Variants in AGBL1 observed in about 807,000 individuals in gnomAD.
The protein encoded by AGBL1 is AGBL carboxypeptidase 1, also known as cytosolic carboxypeptidase 4.
A neutral mutation model predicts 118.9 loss-of-function variants in AGBL1; 130 were observed. The ratio of observed to expected loss-of-function variants is 1.09; its 90% CI spans 0.95 to 1.26. The LOEUF (loss-of-function observed/expected upper bound fraction) is 1.26, where lower values mean the gene tolerates loss of function less well. AGBL1 is among the 50% of genes most tolerant of loss of function. The probability of loss-of-function intolerance (pLI) is 0.00; values close to 1 mark genes in which losing one functional copy is unlikely to be tolerated. For synonymous variants in AGBL1, 555 were observed against 478.9 expected (o/e 1.16, Z -2.08); for missense variants, 1,584 against 1,298.1 (o/e 1.22, Z -3.38).
intron 24 of AGBL1, chr15:87,028,811 T>C (rs1464468896): frequency 1.2e-6 from 2 of 1,603,970 alleles, no homozygotes; most frequent in African/African-American, 2.7e-5. Flanking sequence ...AATATATTTC[T>C]TATTCCTTCT....
chr15:86,706,876 A>T (rs2086458384), intron 22 of AGBL1, among the ~76,000 whole-genome samples: 2 of 152,120 alleles, frequency 1.3e-5, no homozygotes, highest in Non-Finnish European at 2.9e-5. Context: ...AGCTTACTTC[A>T]GTTTTCTCTA....
At chr15:86,685,052 G>C (rs1467479983) in intron 22 of AGBL1, among the ~76,000 whole-genome samples, 1 of 152,156 alleles carries the variant, frequency 6.6e-6, no homozygotes, top group South Asian at 2.1e-4. Context: ...GAACAAAGAG[G>C]TATGTTTAGA....
intron 6 of AGBL1, among the ~76,000 whole-genome samples, chr15:86,234,082 A>G (rs2078499225): frequency 1.3e-5 from 2 of 152,098 alleles, no homozygotes; most frequent in African/African-American, 4.8e-5. Flanking sequence ...TTTTATCAGG[A>G]GATCCTGTCA....
intron 22 of AGBL1, among the ~76,000 whole-genome samples, chr15:86,685,000 G>A (rs1459866494): frequency 6.6e-6 from 1 of 152,180 alleles, no homozygotes; most frequent in Admixed American, 6.6e-5. Flanking sequence ...TAGTGCATGG[G>A]TAACAGAAAG....
chr15:86,936,286 G>T (rs553935665), intron 23 of AGBL1, among the ~76,000 whole-genome samples: 1 of 152,266 alleles, frequency 6.6e-6, no homozygotes, highest in East Asian at 1.9e-4. Flanking sequence ...GAGAAAGAGA[G>T]AGAGAACAAC....
intron 17 of AGBL1, among the ~76,000 whole-genome samples, chr15:86,389,959 C>T (rs1477788663): frequency 6.6e-6 from 1 of 151,964 alleles, no homozygotes; most frequent in Admixed American, 6.6e-5. Context: ...TGACTAAATG[C>T]TTCAATTAAG....
At chr15:86,839,612 TTA>T (rs2079217622) in intron 22 of AGBL1, among the ~76,000 whole-genome samples, 2 of 152,174 alleles carry the variant, frequency 1.3e-5, no homozygotes, top group Non-Finnish European at 2.9e-5. Flanking sequence ...CCTCTTCCCC[TTA>T]TATGTCAGTT....
chr15:86,976,919 T>G (rs1289777668), intron 23 of AGBL1, among the ~76,000 whole-genome samples: 2 of 152,054 alleles, frequency 1.3e-5, no homozygotes, highest in Non-Finnish European at 2.9e-5. Context: ...TTTATAAATG[T>G]CTTCATATAT....
chr15:86,081,927 C>A (rs542762606), intron 1 of AGBL1, among the ~76,000 whole-genome samples: 1 of 152,240 alleles, frequency 6.6e-6, no homozygotes, highest in East Asian at 1.9e-4. Flanking sequence ...AGCATGATCA[C>A]CCCGGGGCAC....
At chr15:86,438,352 C>A (rs2082023144) in intron 18 of AGBL1, among the ~76,000 whole-genome samples, 1 of 152,184 alleles carries the variant, frequency 6.6e-6, no homozygotes, top group Non-Finnish European at 1.5e-5. Context: ...TAATACTCCA[C>A]AATCACATGC....
chr15:86,735,618 G>GTA (rs1195475857), intron 22 of AGBL1, among the ~76,000 whole-genome samples: 2 of 147,322 alleles, frequency 1.4e-5, no homozygotes, highest in South Asian at 2.2e-4. Flanking sequence ...GTGTGTGTGT[G>GTA]TGTGTGTGTG....
chr15:87,022,783 G>A (rs1357936396), intron 24 of AGBL1, among the ~76,000 whole-genome samples: 1 of 152,074 alleles, frequency 6.6e-6, no homozygotes, highest in Non-Finnish European at 1.5e-5. Context: ...GTACAAGCTA[G>A]AAGGGATTGG....
intron 18 of AGBL1, among the ~76,000 whole-genome samples, chr15:86,495,956 T>C (rs1407030626): frequency 1.3e-5 from 2 of 151,960 alleles, no homozygotes; most frequent in African/African-American, 2.4e-5. Flanking sequence ...TCAATTCTAT[T>C]TCACCCCCAA....
intron 3 of AGBL1, among the ~76,000 whole-genome samples, 158 bp downstream of exon 3, chr15:86,144,003 A>G (rs967648829): frequency 6.6e-6 from 1 of 152,156 alleles, no homozygotes; most frequent in Non-Finnish European, 1.5e-5. Flanking sequence ...CCCATAGGAG[A>G]GGCCATTTTG....
intron 22 of AGBL1, among the ~76,000 whole-genome samples, chr15:86,705,969 GA>G (rs5814259): frequency 0.47 from 70,792 of 149,654 alleles, 17,762 homozygotes; most frequent in African/African-American, 0.64. Flanking sequence ...TCATCTTTTG[GA>G]AAAAAAAAAC....
intron 6 of AGBL1, among the ~76,000 whole-genome samples, chr15:86,236,202 G>T (rs184127868): frequency 5.9e-5 from 9 of 152,138 alleles, no homozygotes; most frequent in East Asian, 5.8e-4. Flanking sequence ...AGTTAGAGAC[G>T]CTGCTCAGCC....
chr15:86,110,255 T>G (rs1204581292), intron 1 of AGBL1, among the ~76,000 whole-genome samples: 1 of 152,216 alleles, frequency 6.6e-6, no homozygotes, highest in African/African-American at 2.4e-5. Flanking sequence ...AATCCATGTA[T>G]AAGTTTTGGC....
intron 17 of AGBL1, among the ~76,000 whole-genome samples, chr15:86,339,686 C>T (rs542007950): frequency 1.1e-4 from 16 of 152,062 alleles, no homozygotes; most frequent in Middle Eastern, 3.4e-3. Flanking sequence ...GTTTTTATTT[C>T]GGCCGGGCGC....
intron 1 of AGBL1, among the ~76,000 whole-genome samples, chr15:86,135,174 CTTG>C (rs1414931304): frequency 1.3e-5 from 2 of 152,156 alleles, no homozygotes; most frequent in Non-Finnish European, 2.9e-5. Flanking sequence ...CCCACGTGAG[CTTG>C]TTGTTGAAAA....
Sources: allele counts gnomAD v4.1 joint callset (sites outside exome capture counted in the v4.1 genomes callset), GRCh38; gene constraint gnomAD v4.1.1; transcripts MANE v1.5; gene names NCBI Gene and HGNC (gene_info 2026-07-23, HGNC 2026-07-21).